The following ATG10 variants were observed in gnomAD, a reference collection of about 807,000 sequenced individuals.
The protein encoded by ATG10 is ubiquitin-like-conjugating enzyme ATG10.
ATG10 carries 30 observed loss-of-function variants against 32.1 expected under a neutral mutation model. That is an observed-to-expected ratio of 0.94 (90% CI 0.70 to 1.27). The LOEUF (loss-of-function observed/expected upper bound fraction) is 1.27. ATG10 is among the 50% of genes most tolerant of loss of function. The probability of loss-of-function intolerance (pLI) is 0.00; values close to 1 mark genes in which losing one functional copy is unlikely to be tolerated. For missense variants in ATG10, 233 were observed against 262.3 expected (o/e 0.89, Z 0.77); for synonymous variants, 87 against 91.5 (o/e 0.95, Z 0.28).
chr5:81,979,344 G>A (rs913813657), intron 1 of ATG10, among the ~76,000 whole-genome samples: 6 of 152,152 alleles, frequency 3.9e-5, no homozygotes, highest in Non-Finnish European at 8.8e-5. Flanking sequence ...TGGCTAACAC[G>A]GTGAAACCCT....
chr5:82,061,045 G>A lies in ATG10; in HGVS notation c.216+2443G>A, dbSNP rs568547053. ...CTCTCACTCCCTTGAAATCCCTAAG[G>A]TTATTTTTGCTTGGTCCAGTGATTT... On this transcript the variant is annotated intron_variant, in intron 3 of 7. Coordinates refer to ENST00000282185, the MANE Select transcript of ATG10 (RefSeq NM_031482.5). 5.3e-5 allele frequency among the ~76,000 whole-genome samples: 8 copies of A among 152,204 alleles called. No individual in the cohort carries two copies. The South Asian group carries it at 1.0e-3, about 20-fold the overall frequency.
At chr5:82,032,307 T>C (rs1762763669) in intron 2 of ATG10, among the ~76,000 whole-genome samples, 1 of 152,236 alleles carries the variant, frequency 6.6e-6, no homozygotes, top group Non-Finnish European at 1.5e-5. Flanking sequence ...GGCTCTTTTC[T>C]GTCTTTTCTA....
chr5:82,151,542 G>A (rs756629349), intron 3 of ATG10, among the ~76,000 whole-genome samples: 20 of 151,544 alleles, frequency 1.3e-4, no homozygotes, highest in Non-Finnish European at 2.5e-4. Context: ...GGATATCTGG[G>A]ATGATATTAT....
chr5:82,102,749 T>G (rs1765323074), intron 3 of ATG10, among the ~76,000 whole-genome samples: 1 of 152,202 alleles, frequency 6.6e-6, no homozygotes, highest in Admixed American at 6.5e-5. Context: ...TGTTTTTAGC[T>G]GATACCCTAA....
At chr5:82,177,448 T>C (rs1315253495) in intron 4 of ATG10, among the ~76,000 whole-genome samples, 2 of 152,180 alleles carry the variant, frequency 1.3e-5, no homozygotes. Context: ...TTGGTCTAAA[T>C]ATTCAGTATA....
intron 3 of ATG10, among the ~76,000 whole-genome samples, chr5:82,110,004 A>G (rs558944185): frequency 3.5e-4 from 52 of 149,080 alleles, no homozygotes; most frequent in African/African-American, 1.2e-3. Flanking sequence ...CTGTGTCCAA[A>G]TGTTCTCATT....
At chr5:82,250,455 C>T (rs4703874) in intron 5 of ATG10, among the ~76,000 whole-genome samples, 63,215 of 151,920 alleles carry the variant, frequency 0.42, 15,267 homozygotes, top group East Asian at 0.9. Context: ...GGTGAGGACC[C>T]GTTTCCTATT....
At chr5:82,154,494 T>C (rs1767734489) in intron 3 of ATG10, among the ~76,000 whole-genome samples, 4 of 152,190 alleles carry the variant, frequency 2.6e-5, no homozygotes, top group African/African-American at 9.7e-5. Flanking sequence ...ATTTAACAAG[T>C]GAAGAAACTG....
At chr5:82,072,565 A>G (rs992668036) in intron 3 of ATG10, among the ~76,000 whole-genome samples, 2 of 152,192 alleles carry the variant, frequency 1.3e-5, no homozygotes, top group Non-Finnish European at 2.9e-5. Flanking sequence ...AACATAACCA[A>G]TGTGACATTA....
chr5:82,091,824 C>T (rs1470146183), intron 3 of ATG10, among the ~76,000 whole-genome samples: 3 of 152,086 alleles, frequency 2.0e-5, no homozygotes, highest in Non-Finnish European at 4.4e-5. Context: ...GACTTAAGGT[C>T]GTTTGGTTAA....
chr5:82,009,799 A>G, intron 2 of ATG10: 2 of 1,607,344 alleles, frequency 1.2e-6, no homozygotes. Context: ...TTTGCCATGG[A>G]CAAGATGCCA....
At chr5:82,128,243 A>G (rs956668221) in intron 3 of ATG10, among the ~76,000 whole-genome samples, 5 of 152,036 alleles carry the variant, frequency 3.3e-5, no homozygotes, top group South Asian at 2.1e-4. Context: ...TCTTTATCCA[A>G]TATGCCAGTC....
intron 3 of ATG10, among the ~76,000 whole-genome samples, chr5:82,120,803 C>T (rs1766012363): frequency 6.6e-6 from 1 of 151,996 alleles, no homozygotes; most frequent in South Asian, 2.1e-4. Flanking sequence ...ATTGCTTAGC[C>T]AAGATTTAGG....
intron 1 of ATG10, among the ~76,000 whole-genome samples, chr5:81,985,516 T>A (rs890328716): frequency 1.3e-5 from 2 of 151,836 alleles, no homozygotes; most frequent in African/African-American, 4.8e-5. Flanking sequence ...CATTTGAAAT[T>A]CAAACTCAAT....
At chr5:81,982,920 C>T (rs1158472084) in intron 1 of ATG10, among the ~76,000 whole-genome samples, 1 of 152,228 alleles carries the variant, frequency 6.6e-6, no homozygotes. Context: ...TTTCTTAGTA[C>T]AGAACAAAAT....
intron 3 of ATG10, among the ~76,000 whole-genome samples, chr5:82,155,488 C>T (rs73768633): frequency 0.23 from 34,825 of 152,084 alleles, 4,229 homozygotes; most frequent in African/African-American, 0.31. Context: ...AGTACAGCCA[C>T]GTACCTTTGT....
chr5:82,171,789 T>C (rs1743818549), intron 4 of ATG10, among the ~76,000 whole-genome samples: 1 of 152,250 alleles, frequency 6.6e-6, no homozygotes, highest in African/African-American at 2.4e-5. Context: ...TAGAATGTGC[T>C]AATTACTCTA....
At position 82,190,773 on chromosome 5, in the gene ATG10, CAAAAAAAAAAAAAAAA is replaced by C. The variant is rs35513819; in HGVS notation, c.453+12202_453+12217del. Reference sequence around the variant, plus strand: ...TGGGCAACAGAGTGAGACTCCATCTCAAAAAAAAAAAAAAAAAAAAAAAAAAAAAAATGGGGAGAAT... The same window carrying C: ...TGGGCAACAGAGTGAGACTCCATCTCAAAAAAAAAAAAAAATGGGGAGAAT... On this transcript the variant is annotated intron_variant, in intron 5 of 7. Transcript: ENST00000282185. Among the ~76,000 whole-genome samples, 173 of 53,688 alleles carry C rather than the reference CAAAAAAAAAAAAAAAA, an allele frequency of 3.2e-3. 2 individuals are homozygous for C. Among genetic ancestry groups the C allele is most frequent in the Middle Eastern group, 0.028 (2 of 72 alleles). The allele number at this position is 53,688 out of a possible 152,430, so 35.2% of individuals were successfully genotyped here. A position where few individuals can be genotyped will look rare whatever the true frequency, so the allele number is the denominator to read the frequency against.
chr5:82,216,271 T>G (rs1175918077), intron 5 of ATG10, among the ~76,000 whole-genome samples: 1 of 152,230 alleles, frequency 6.6e-6, no homozygotes, highest in Non-Finnish European at 1.5e-5. Context: ...AGATTCAACT[T>G]AGTGAATTTC....
Sources: gnomAD v4.1 joint callset for allele counts (sites outside exome capture counted in the v4.1 genomes callset) on GRCh38, gnomAD v4.1.1 for gene constraint, MANE v1.5 for transcripts, NCBI Gene and HGNC (gene_info 2026-07-23, HGNC 2026-07-21) for gene names.